The following SAMD8 variants were observed in gnomAD, a reference collection of about 807,000 sequenced individuals.
SAMD8 encodes the protein sterile alpha motif domain containing 8.
A neutral mutation model predicts 42.0 loss-of-function variants in SAMD8; 20 were observed. The observed-to-expected ratio is 0.48, with a 90% CI of 0.34 to 0.69. SAMD8 has a LOEUF of 0.69. SAMD8 is among the 30% of genes least tolerant of loss of function. The probability of loss-of-function intolerance (pLI) is 0.01; values close to 1 mark genes in which losing one functional copy is unlikely to be tolerated. For missense variants in SAMD8, 328 were observed against 511.6 expected, an observed-to-expected ratio of 0.64 and a Z score of 3.46; for synonymous variants, 162 against 173.0, an observed-to-expected ratio of 0.94 and a Z score of 0.50.
At chr10:75,140,987 T>A (rs1839997468) in intron 1 of SAMD8, among the ~76,000 whole-genome samples, 1 of 152,220 alleles carries the variant, frequency 6.6e-6, no homozygotes, top group Non-Finnish European at 1.5e-5. Flanking sequence ...TAATATTTTT[T>A]ATGCTATTAT....
chr10:75,149,791 G>T (rs972483899), intron 1 of SAMD8, among the ~76,000 whole-genome samples: 2 of 151,820 alleles, frequency 1.3e-5, no homozygotes, highest in African/African-American at 4.8e-5. Context: ...TATTAAAATG[G>T]GATTTTTCTC....
chr10:75,154,318 C>T (rs960069688), intron 2 of SAMD8, among the ~76,000 whole-genome samples: 9 of 152,138 alleles, frequency 5.9e-5, no homozygotes, highest in Non-Finnish European at 1.2e-4. Flanking sequence ...TTGTTATATC[C>T]GTGTATCTTG....
At chr10:75,108,134 G>A (rs769314763), upstream of SAMD8, 2 of 1,613,602 alleles carry the variant, frequency 1.2e-6, no homozygotes, top group South Asian at 2.2e-5. Flanking sequence ...CCTGACAGTA[G>A]AGGCCCTTGT....
chr10:75,151,065 C>T lies in SAMD8; in HGVS notation c.537C>T (p.Asp179=), dbSNP rs1840277755. 7 of 1,558,168 alleles carry T rather than the reference C, an allele frequency of 4.5e-6. No homozygotes were observed. Among genetic ancestry groups the T allele is most frequent in the Admixed American group, 2.0e-5 (1 of 51,222 alleles). The stretch of plus-strand genomic sequence containing the variant: ...TTATAGTCCATGAGCGAGTGCCTGA[C>T]ATGCAGACCTATCCACCACTCCCAG... ...IMVIVHERVP[D]MQTYPPLPDI... is the part of the protein sequence containing the mutation. The change falls in exon 2 of 6, where the codon GAC becomes GAT. Residue 179 remains aspartate, a synonymous_variant. Transcript: ENST00000542569.
chr10:75,105,716 G>A, intron 1 of SAMD8: 1 of 1,553,668 alleles, frequency 6.4e-7, no homozygotes. Context: ...CTGCAGAGCT[G>A]GTGCAGGAAG....
intron 4 of SAMD8, among the ~76,000 whole-genome samples, chr10:75,173,834 G>A (rs190012952): frequency 2.0e-5 from 3 of 152,264 alleles, no homozygotes; most frequent in Non-Finnish European, 4.4e-5. Flanking sequence ...GAATCTTTAA[G>A]ACATAGGGCT....
intron 1 of SAMD8, among the ~76,000 whole-genome samples, chr10:75,136,879 T>C (rs1839899199): frequency 6.6e-6 from 1 of 152,198 alleles, no homozygotes; most frequent in South Asian, 2.1e-4. Context: ...GAAATACTAC[T>C]TTATGTCATA....
In SAMD8 at chr10:75,150,689, C is replaced by G; in HGVS notation, c.161C>G (p.Ser54Cys). The change falls in exon 2 of 6, where the codon TCT becomes TGT. Residue 54 changes from serine to cysteine, a missense_variant. Coordinates refer to ENST00000542569, the MANE Select transcript of SAMD8 (RefSeq NM_001174156.2). ...LLTLTEYDLR[S>C]PPLEIKVLGD... ...ACATTGACTGAATATGATCTCCGGT[C>G]TCCTCCTCTGGAAATCAAAGTCTTA... The G allele has an allele frequency of 6.2e-7, 1 of 1,614,118 alleles. No homozygotes were observed. The highest frequency in any genetic ancestry group is 8.5e-7 in the Non-Finnish European group (1 of 1,180,010).
intron 2 of SAMD8, among the ~76,000 whole-genome samples, chr10:75,157,148 T>A (rs778928421): frequency 6.6e-6 from 1 of 151,942 alleles, no homozygotes; most frequent in Non-Finnish European, 1.5e-5. Flanking sequence ...TGAGTTTAGG[T>A]GAATAATATA....
chr10:75,139,586 T>A (rs1370823890), intron 1 of SAMD8, among the ~76,000 whole-genome samples: 1 of 152,220 alleles, frequency 6.6e-6, no homozygotes, highest in Non-Finnish European at 1.5e-5. Context: ...ATGTATGATG[T>A]GATTTCTCTT....
In SAMD8 at chr10:75,120,044, G is replaced by A. The variant is rs543802804; in HGVS notation, c.-16+8322G>A. On this transcript the variant is annotated intron_variant, in intron 1 of 5. Coordinates refer to ENST00000542569, the MANE Select transcript of SAMD8 (RefSeq NM_001174156.2). ...GATTGTACCACTGCACTCCAGCCTG[G>A]GCGACAGAGTGAGACACTGTCTCAA... Among the ~76,000 whole-genome samples the A allele has an allele frequency of 1.6e-4, 24 of 152,236 alleles. 1 individual carries two copies. The highest frequency in any genetic ancestry group is 7.2e-5 in the African/African-American group (3 of 41,550).
upstream of SAMD8, among the ~76,000 whole-genome samples, chr10:75,107,205 G>A (rs1231056972): frequency 6.6e-6 from 1 of 152,072 alleles, no homozygotes; most frequent in Non-Finnish European, 1.5e-5. Flanking sequence ...TATGGTGGCG[G>A]ATGCCTGTAG....
chr10:75,173,966 A>C (rs1376962352), intron 4 of SAMD8, among the ~76,000 whole-genome samples: 1 of 152,242 alleles, frequency 6.6e-6, no homozygotes, highest in Non-Finnish European at 1.5e-5. Flanking sequence ...TGGAAATTAA[A>C]TGCAGTAACA....
At position 75,176,453 on chromosome 10, in the gene SAMD8, T is replaced by G; in HGVS notation, c.1009T>G (p.Phe337Val). The G allele has an allele frequency of 6.4e-7, 1 of 1,551,130 alleles. No individual in the cohort carries two copies. Among genetic ancestry groups the G allele is most frequent in the East Asian group, 2.4e-5 (1 of 40,942 alleles). The change falls in exon 6 of 6, where the codon TTC (phenylalanine) becomes GTC (valine). Residue 337 changes from phenylalanine to valine, a missense_variant. Phe to Val is a conservative substitution (Grantham distance 50, BLOSUM62 -1). Coordinates refer to ENST00000542569, the MANE Select transcript of SAMD8 (RefSeq NM_001174156.2). This position sits in a 1 kb window ranked among gnomAD's most constrained non-coding sequence, Gnocchi z 4.3. ...SWVLNLFGIF[F>V]ILAAHEHYSI... The stretch of plus-strand genomic sequence containing the variant: ...GGTTCTCAACCTCTTTGGAATCTTC[T>G]TCATCTTGGCTGCCCATGAACATTA...
At chr10:75,105,908 C>A (rs371878682) in intron 1 of SAMD8, 5 of 1,530,646 alleles carry the variant, frequency 3.3e-6, no homozygotes, top group Non-Finnish European at 4.4e-6. Context: ...GTCCCACACA[C>A]CGGCCCACCC....
At chr10:75,173,699 T>A (rs1840922556) in intron 4 of SAMD8, among the ~76,000 whole-genome samples, 1 of 152,248 alleles carries the variant, frequency 6.6e-6, no homozygotes, top group Non-Finnish European at 1.5e-5. Context: ...TAATAATAAA[T>A]TCTTCTTCCT....
At chr10:75,111,653 C>G, upstream of SAMD8, 2 of 1,241,660 alleles carry the variant, frequency 1.6e-6, no homozygotes, top group East Asian at 6.3e-5. Flanking sequence ...CGGGGAGGGC[C>G]CCGGACTCCG....
chr10:75,128,951 A>G (rs1849211632), intron 1 of SAMD8, among the ~76,000 whole-genome samples: 1 of 152,164 alleles, frequency 6.6e-6, no homozygotes, highest in East Asian at 1.9e-4. Flanking sequence ...CTTCTTCTGC[A>G]AAAGGGTCTT....
At chr10:75,109,786 C>A (rs1385782243), upstream of SAMD8, among the ~76,000 whole-genome samples, 3 of 149,742 alleles carry the variant, frequency 2.0e-5, no homozygotes, top group Non-Finnish European at 4.4e-5. Flanking sequence ...AGGGTGCCCA[C>A]AAGATTCATG....
Sources: gnomAD v4.1 joint callset for allele counts (sites outside exome capture counted in the v4.1 genomes callset) on GRCh38, gnomAD v4.1.1 for gene constraint, Gnocchi (gnomAD v3.1) non-coding constraint, MANE v1.5 for transcripts, NCBI Gene and HGNC (gene_info 2026-07-23, HGNC 2026-07-21) for gene names.